Variants in VPS39 observed in about 807,000 individuals in gnomAD.
VPS39 encodes the protein VPS39 subunit of HOPS complex.
VPS39 carries 70 observed loss-of-function variants against 121.0 expected under a neutral mutation model. That is an observed-to-expected ratio of 0.58 (90% CI 0.48 to 0.71). The LOEUF (loss-of-function observed/expected upper bound fraction) is 0.71, where lower values mean the gene tolerates loss of function less well. VPS39 is among the 30% of genes least tolerant of loss of function. The probability of loss-of-function intolerance (pLI) is 0.00; values close to 1 mark genes in which losing one functional copy is unlikely to be tolerated. For synonymous variants in VPS39, 378 were observed against 398.1 expected (o/e 0.95, Z 0.60); for missense variants, 818 against 1,051.5 (o/e 0.78, Z 3.07).
intron 11 of VPS39, among the ~76,000 whole-genome samples, chr15:42,172,264 G>T (rs1476329084): frequency 6.6e-6 from 1 of 152,172 alleles, no homozygotes; most frequent in Non-Finnish European, 1.5e-5. Context: ...TATGCATGAG[G>T]ACACTCAAGC....
chr15:42,176,294 T>C (rs1241111675), intron 10 of VPS39, among the ~76,000 whole-genome samples: 4 of 152,142 alleles, frequency 2.6e-5, no homozygotes, highest in Non-Finnish European at 5.9e-5. Flanking sequence ...AAAAACTAAA[T>C]ACATTACTTC....
At chr15:42,203,105 C>A (rs1046877692) in intron 1 of VPS39, among the ~76,000 whole-genome samples, 3 of 151,718 alleles carry the variant, frequency 2.0e-5, no homozygotes, top group Admixed American at 6.6e-5. Context: ...CCGAAGTGGG[C>A]GAATCACTGG....
At chr15:42,191,642 CT>C in intron 2 of VPS39, 82 bp from the exon 3 acceptor site, 1 of 1,177,204 alleles carries the variant, frequency 8.5e-7, no homozygotes, top group Non-Finnish European at 1.2e-6. Context: ...CTGCTCCATA[CT>C]GCTCTCCTAT....
intron 7 of VPS39, 61 bp downstream of exon 7, chr15:42,187,210 G>A (rs2049721059): frequency 1.4e-6 from 2 of 1,387,166 alleles, no homozygotes; most frequent in East Asian, 2.3e-5. Context: ...CTGGAGTTTG[G>A]AGCAGATAAT....
chr15:42,208,124 G>A lies in VPS39; in HGVS notation c.30C>T (p.Ile10=). The change falls in exon 1 of 25, where the codon ATC becomes ATT. Residue 10 remains isoleucine, a synonymous_variant. Transcript: ENST00000318006. Reference sequence around the variant, plus strand: ...CGATTTGCAGAGGCAGCTTTTCTAGGATCGGCACTGGCTCGAAAGCGTCGT... The same window carrying A: ...CGATTTGCAGAGGCAGCTTTTCTAGAATCGGCACTGGCTCGAAAGCGTCGT... MHDAFEPVP[I]LEKLPLQIDC... is the part of the protein sequence containing the mutation. 1.9e-6 allele frequency: 3 copies of A among 1,588,702 alleles called. No individual in the cohort carries two copies. Among genetic ancestry groups the A allele is most frequent in the Non-Finnish European group, 8.6e-7 (1 of 1,166,868 alleles).
intron 13 of VPS39, among the ~76,000 whole-genome samples, chr15:42,167,124 T>C (rs1337715603): frequency 6.6e-6 from 1 of 152,250 alleles, no homozygotes; most frequent in Non-Finnish European, 1.5e-5. Context: ...GAACATTTCT[T>C]GAAGGAAATA....
At chr15:42,179,557 C>G (rs1259714684) in intron 8 of VPS39, among the ~76,000 whole-genome samples, 3 of 144,924 alleles carry the variant, frequency 2.1e-5, no homozygotes, top group Non-Finnish European at 4.5e-5. Flanking sequence ...GCCTGGGCGA[C>G]AGAGCAAGAC....
At chr15:42,186,660 T>C (rs971649983) in intron 7 of VPS39, among the ~76,000 whole-genome samples, 5 of 152,228 alleles carry the variant, frequency 3.3e-5, no homozygotes, top group Non-Finnish European at 5.9e-5. Flanking sequence ...ACACAGGTCA[T>C]AAAACAATTG....
At chr15:42,166,513 G>C in intron 15 of VPS39, 50 bp downstream of exon 15, 1 of 1,592,602 alleles carries the variant, frequency 6.3e-7, no homozygotes, top group Non-Finnish European at 8.6e-7. Flanking sequence ...AGGGAGACCA[G>C]GTCATTTGAA....
At chr15:42,187,111 T>C (rs1158924661) in intron 7 of VPS39, among the ~76,000 whole-genome samples, 160 bp downstream of exon 7, 1 of 152,236 alleles carries the variant, frequency 6.6e-6, no homozygotes, top group African/African-American at 2.4e-5. Context: ...ATATCCTATT[T>C]GTGAAAAATG....
chr15:42,195,509 C>T (rs941126272), intron 2 of VPS39, among the ~76,000 whole-genome samples: 8 of 152,182 alleles, frequency 5.3e-5, no homozygotes, highest in African/African-American at 1.9e-4. Context: ...AAACCACAAG[C>T]ATTCTTATAC....
At chr15:42,182,119 G>A (rs2049593846) in intron 8 of VPS39, among the ~76,000 whole-genome samples, 1 of 152,210 alleles carries the variant, frequency 6.6e-6, no homozygotes, top group South Asian at 2.1e-4. Context: ...TCAGAAATGA[G>A]TAACTTGAGA....
At chr15:42,179,373 T>A (rs1340696765) in intron 8 of VPS39, among the ~76,000 whole-genome samples, 2 of 150,186 alleles carry the variant, frequency 1.3e-5, no homozygotes, top group African/African-American at 4.9e-5. Flanking sequence ...ATCGAGACCA[T>A]CCTGGCTAAC....
At chr15:42,173,247 T>C (rs148479278) in intron 11 of VPS39, among the ~76,000 whole-genome samples, 82 of 152,340 alleles carry the variant, frequency 5.4e-4, no homozygotes, top group African/African-American at 1.9e-3. Context: ...GTCCAGTAAC[T>C]CTACCAGACC....
At position 42,164,481 on chromosome 15, in the gene VPS39, T is replaced by G. The variant is rs1330818408; in HGVS notation, c.1903A>C (p.Thr635Pro). ...TCTTCCTCTCCAGCTGGGACTGGGG[T>G]TTTGCCTTTAAGGGAAACCAAGCTC... Reference protein sequence around the residue: ...EYLLSFPAGKTPVPAGEEEGE... With the variant: ...EYLLSFPAGKPPVPAGEEEGE... The change falls in exon 19 of 25, where the codon ACC becomes CCC. Residue 635 changes from threonine to proline, a missense_variant. Physicochemically the swap from Thr to Pro is conservative, Grantham distance 38. Coordinates refer to ENST00000318006, the MANE Select transcript of VPS39 (RefSeq NM_015289.5). 6.2e-7 allele frequency: 1 copy of G among 1,613,414 alleles called. No homozygotes were observed. Among genetic ancestry groups the G allele is most frequent in the Non-Finnish European group, 8.5e-7 (1 of 1,179,862 alleles).
At position 42,187,635 on chromosome 15, in the gene VPS39, C is replaced by T. The variant is rs574137358; in HGVS notation, c.441+123G>A. On this transcript the variant is annotated intron_variant, in intron 6 of 24. Transcript: ENST00000318006. Reference sequence around the variant, plus strand: ...TTACAAGTAGGCATCAACAAGCTCTCATGCACTTCATACCAGAGTATTCAT... The same window carrying T: ...TTACAAGTAGGCATCAACAAGCTCTTATGCACTTCATACCAGAGTATTCAT... The T allele has an allele frequency of 1.4e-5, 12 of 876,508 alleles. No homozygotes were observed. The East Asian group carries it at 2.9e-4, about 21-fold the overall frequency. The allele number at this position is 876,508 out of a possible 1,614,324, so 54.3% of individuals were successfully genotyped here. A position where few individuals can be genotyped will look rare whatever the true frequency, so the allele number is the denominator to read the frequency against.
chr15:42,161,518 A>AT (rs1333704815), intron 24 of VPS39, 164 bp downstream of exon 24: 1 of 782,496 alleles, frequency 1.3e-6, no homozygotes, highest in Non-Finnish European at 2.3e-6. Context: ...CTCCCAACAG[A>AT]TAGAACAGGC....
intron 11 of VPS39, 97 bp from the exon 12 acceptor site, chr15:42,169,963 C>A: frequency 1.9e-5 from 22 of 1,175,922 alleles, no homozygotes; most frequent in East Asian, 5.6e-5. Flanking sequence ...AAGTTCCAGA[C>A]TGATTTAAAA....
intron 1 of VPS39, among the ~76,000 whole-genome samples, chr15:42,205,775 C>T (rs543542970): frequency 6.6e-6 from 1 of 152,254 alleles, no homozygotes; most frequent in South Asian, 2.1e-4. Context: ...GAGAAGACTA[C>T]TACAGTAATT....
Sources: gnomAD v4.1 joint callset for allele counts (sites outside exome capture counted in the v4.1 genomes callset) on GRCh38, gnomAD v4.1.1 for gene constraint, MANE v1.5 for transcripts, NCBI Gene and HGNC (gene_info 2026-07-23, HGNC 2026-07-21) for gene names.